Variants in VAV2 observed in about 807,000 individuals in gnomAD.
VAV2 encodes vav guanine nucleotide exchange factor 2.
VAV2 carries 67 observed loss-of-function variants against 132.5 expected under a neutral mutation model. That is an observed-to-expected ratio of 0.51 (90% CI 0.42 to 0.62). The LOEUF is 0.62. VAV2 is among the 20% of genes least tolerant of loss of function. The probability of loss-of-function intolerance (pLI) is 0.00; values close to 1 mark genes in which losing one functional copy is unlikely to be tolerated. For synonymous variants in VAV2, 492 were observed against 443.5 expected (o/e 1.11, Z -1.37); for missense variants, 938 against 1,153.6 (o/e 0.81, Z 2.71).
Position 133,884,869 on chromosome 9 carries a change from C to T in VAV2, c.322-23437G>A, listed in dbSNP as rs1838639814. ...AGACCACAGGTGCACACAAGCATCC[C>T]CTCCCACTCAGCCAGAGGGGCGCAG... is the stretch of plus-strand genomic sequence containing the variant. On this transcript the variant is annotated intron_variant, in intron 2 of 29. Transcript: ENST00000371850. This position sits in a 1 kb window ranked among gnomAD's most constrained non-coding sequence, Gnocchi z 5.3. Among the ~76,000 whole-genome samples, 3 of 152,114 alleles carry T rather than the reference C, an allele frequency of 2.0e-5. No individual in the cohort carries two copies. The highest frequency in any genetic ancestry group is 7.2e-5 in the African/African-American group (3 of 41,410).
At chr9:133,798,443 G>A (rs1243263499) in intron 9 of VAV2, among the ~76,000 whole-genome samples, 1 of 152,162 alleles carries the variant, frequency 6.6e-6, no homozygotes, top group African/African-American at 2.4e-5. Flanking sequence ...CCTGGCCCCA[G>A]CATCGCTCTC....
At chr9:133,975,737 T>C (rs1226804864) in intron 1 of VAV2, among the ~76,000 whole-genome samples, 3 of 152,208 alleles carry the variant, frequency 2.0e-5, no homozygotes, top group Admixed American at 1.3e-4. Context: ...CAAGAGAGTG[T>C]TGAGCTCTAA....
intron 2 of VAV2, among the ~76,000 whole-genome samples, chr9:133,902,744 G>A (rs1588342551): frequency 6.6e-6 from 1 of 152,286 alleles, no homozygotes; most frequent in East Asian, 1.9e-4. Context: ...TCACTGGGGT[G>A]GGACCTAATC....
At chr9:133,806,613 AG>A (rs1254718055) in intron 8 of VAV2, among the ~76,000 whole-genome samples, 2 of 152,030 alleles carry the variant, frequency 1.3e-5, no homozygotes. Flanking sequence ...GATGAACTCT[AG>A]GTCAGAGGCA....
chr9:133,847,585 T>A (rs1339452069), intron 3 of VAV2, among the ~76,000 whole-genome samples: 1 of 152,146 alleles, frequency 6.6e-6, no homozygotes, highest in African/African-American at 2.4e-5. Context: ...CATGCCTAGA[T>A]GAATACTGGG....
chr9:133,846,395 C>A (rs748312055), intron 3 of VAV2, among the ~76,000 whole-genome samples: 1 of 152,254 alleles, frequency 6.6e-6, no homozygotes, highest in Non-Finnish European at 1.5e-5. Context: ...CCCACCTGGG[C>A]GTCCACAGCA....
At chr9:133,785,481 G>C (rs188913935) in intron 17 of VAV2, among the ~76,000 whole-genome samples, 4 of 152,326 alleles carry the variant, frequency 2.6e-5, no homozygotes, top group Non-Finnish European at 5.9e-5. Flanking sequence ...TGGGCCGGGC[G>C]TGCCAGGCTC....
At chr9:133,787,331 G>A (rs1263282821) in intron 15 of VAV2, 71 bp from the exon 16 acceptor site, 2 of 1,469,468 alleles carry the variant, frequency 1.4e-6, no homozygotes, top group Admixed American at 2.2e-5. Flanking sequence ...TGTGGTGGGT[G>A]CCGCAGTGTG....
chr9:133,910,412 G>A (rs1839835886), intron 2 of VAV2, among the ~76,000 whole-genome samples: 1 of 152,142 alleles, frequency 6.6e-6, no homozygotes, highest in Non-Finnish European at 1.5e-5. Context: ...GACTGAAGGG[G>A]GCACCGTGCG....
At chr9:133,822,170 A>G (rs935619042) in intron 4 of VAV2, among the ~76,000 whole-genome samples, 11 of 151,580 alleles carry the variant, frequency 7.3e-5, no homozygotes, top group Non-Finnish European at 1.6e-4. Flanking sequence ...GAAAATCAAA[A>G]GAAAACCAAC....
chr9:133,852,501 T>C (rs1837227236), intron 3 of VAV2, among the ~76,000 whole-genome samples: 1 of 151,964 alleles, frequency 6.6e-6, no homozygotes, highest in Non-Finnish European at 1.5e-5. Context: ...GTGGGCAAAT[T>C]GGCAGCTCAG....
At chr9:133,909,334 C>G (rs903763125) in intron 2 of VAV2, among the ~76,000 whole-genome samples, 3 of 152,168 alleles carry the variant, frequency 2.0e-5, no homozygotes, top group African/African-American at 7.2e-5. Context: ...AGTCCTGGAG[C>G]TCAGCAGGAG....
intron 1 of VAV2, among the ~76,000 whole-genome samples, chr9:133,984,745 TA>T (rs1025992685): frequency 2.0e-5 from 3 of 152,032 alleles, no homozygotes; most frequent in African/African-American, 7.2e-5. Flanking sequence ...TTATCTCTCC[TA>T]AAAATACAAA....
At chr9:133,779,334 T>G (rs983112903) in intron 21 of VAV2, among the ~76,000 whole-genome samples, 1 of 152,216 alleles carries the variant, frequency 6.6e-6, no homozygotes, top group Non-Finnish European at 1.5e-5. Context: ...TGGAGGCTGC[T>G]CTTAGACAAG....
chr9:133,867,101 C>T (rs1008572334), intron 2 of VAV2, among the ~76,000 whole-genome samples: 1 of 152,146 alleles, frequency 6.6e-6, no homozygotes, highest in African/African-American at 2.4e-5. Context: ...CACAACACCG[C>T]CCGTGAGTGC....
chr9:133,956,844 T>C (rs1286111166), intron 1 of VAV2, among the ~76,000 whole-genome samples: 1 of 152,192 alleles, frequency 6.6e-6, no homozygotes, highest in Non-Finnish European at 1.5e-5. Context: ...TGCCAGGGCC[T>C]GGGACAGAGC....
intron 1 of VAV2, among the ~76,000 whole-genome samples, chr9:133,951,341 CAGGAGT>C (rs1435334572): frequency 6.6e-6 from 1 of 152,220 alleles, no homozygotes; most frequent in African/African-American, 2.4e-5. Context: ...AGGGTCAGAG[CAGGAGT>C]AGAACAGGGA....
intron 2 of VAV2, among the ~76,000 whole-genome samples, chr9:133,915,726 TAC>T (rs1840055356): frequency 6.9e-6 from 1 of 145,538 alleles, no homozygotes; most frequent in African/African-American, 2.6e-5. Flanking sequence ...GATGTACATG[TAC>T]ACACAACGCA....
At chr9:133,978,695 A>G (rs1264489095) in intron 1 of VAV2, among the ~76,000 whole-genome samples, 1 of 152,256 alleles carries the variant, frequency 6.6e-6, no homozygotes, top group Admixed American at 6.5e-5. Context: ...TCAGGATTGC[A>G]AAACCTGCAG....
Sources: allele counts gnomAD v4.1 joint callset (sites outside exome capture counted in the v4.1 genomes callset), GRCh38; gene constraint gnomAD v4.1.1; non-coding constraint Gnocchi (gnomAD v3.1); transcripts MANE v1.5; gene names NCBI Gene and HGNC (gene_info 2026-07-23, HGNC 2026-07-21).